ESR2: variants seen among roughly 807,000 people sequenced by gnomAD.
ESR2 encodes the protein estrogen receptor 2.
ESR2 carries 36 observed loss-of-function variants against 49.6 expected under a neutral mutation model. The observed-to-expected ratio is 0.73, with a 90% CI of 0.56 to 0.96. The LOEUF (loss-of-function observed/expected upper bound fraction) is 0.96, where lower values mean the gene tolerates loss of function less well. Among genes scored for constraint, ESR2 ranks in the 40% least tolerant of loss-of-function variants. The pLI, the probability that ESR2 is intolerant of heterozygous loss-of-function variation, is 0.00. For missense variants in ESR2, 714 were observed against 693.0 expected (o/e 1.03, Z -0.34); for synonymous variants, 320 against 266.1 (o/e 1.20, Z -1.97).
intron 4 of ESR2, among the ~76,000 whole-genome samples, chr14:64,264,048 T>C: frequency 6.6e-6 from 1 of 152,064 alleles, no homozygotes; most frequent in South Asian, 2.1e-4. Flanking sequence ...AAATGTAAAA[T>C]GGAAATTAAG....
chr14:64,241,814 C>T (rs1434826419), intron 7 of ESR2, among the ~76,000 whole-genome samples: 2 of 152,208 alleles, frequency 1.3e-5, no homozygotes, highest in Non-Finnish European at 2.9e-5. Flanking sequence ...CTCCTTAGGA[C>T]TTTCTACATA....
intron 7 of ESR2, among the ~76,000 whole-genome samples, chr14:64,244,255 C>A (rs1353462215): frequency 6.6e-6 from 1 of 152,052 alleles, no homozygotes; most frequent in African/African-American, 2.4e-5. Flanking sequence ...AAAAAATTAG[C>A]CAGGCGTGGT....
At chr14:64,313,884 A>C (rs888333673) in intron 1 of ESR2, among the ~76,000 whole-genome samples, 2 of 151,780 alleles carry the variant, frequency 1.3e-5, no homozygotes, top group Non-Finnish European at 2.9e-5. Context: ...GTCTCAAAAA[A>C]AAAAAAAAGA....
chr14:64,320,305 C>T (rs2077310351), intron 1 of ESR2, among the ~76,000 whole-genome samples: 2 of 152,212 alleles, frequency 1.3e-5, no homozygotes, highest in Admixed American at 6.5e-5. Context: ...GTGGCATACA[C>T]CTGTAGTCCC....
At position 64,283,771 on chromosome 14, in the gene ESR2, A is replaced by G. The variant is rs867487711; in HGVS notation, c.-90-696T>C. Among the ~76,000 whole-genome samples the G allele has an allele frequency of 6.6e-3, 819 of 123,514 alleles. 3 individuals are homozygous for G. The highest frequency in any genetic ancestry group is 0.017 in the South Asian group (68 of 3,934). The allele number at this position is 123,514 out of a possible 152,430, so 81.0% of individuals were successfully genotyped here. A position where few individuals can be genotyped will look rare whatever the true frequency, so the allele number is the denominator to read the frequency against. ...TCAAAAAAAAAAAAAAAAAAAAAAA[A>G]AGAGAGAAATTACCATTTCCGAAAA... On this transcript the variant is annotated intron_variant, in intron 1 of 8. Transcript: ENST00000341099.
Position 64,234,796 on chromosome 14 carries a change from A to G in ESR2, c.1406+174T>C, listed in dbSNP as rs1031234211. 2.9e-6 allele frequency: 4 copies of G among 1,369,468 alleles called. No individual in the cohort carries two copies. The African/African-American group carries it at 5.8e-5, about 20-fold the overall frequency. 84.8% of individuals were successfully genotyped at this position (1,369,468 alleles called of 1,614,324 possible). On this transcript the variant is annotated intron_variant, in intron 8 of 8. Coordinates refer to ENST00000341099, the MANE Select transcript of ESR2 (RefSeq NM_001437.3). ...TAAGATACCACATGACATTCCTTCC[A>G]TGCCCACTCTGTGCCCATCTTTGCT... is the stretch of plus-strand genomic sequence containing the variant.
At chr14:64,314,755 G>A (rs1000229015) in intron 1 of ESR2, among the ~76,000 whole-genome samples, 3 of 150,720 alleles carry the variant, frequency 2.0e-5, no homozygotes, top group Non-Finnish European at 3.0e-5. Flanking sequence ...GTGCAAGCCT[G>A]TAGTTCCAGC....
At chr14:64,244,692 T>C (rs1232924826) in intron 7 of ESR2, among the ~76,000 whole-genome samples, 3 of 152,188 alleles carry the variant, frequency 2.0e-5, no homozygotes, top group Non-Finnish European at 2.9e-5. Flanking sequence ...GGTCTTTCCA[T>C]TTACACTGAG....
At chr14:64,313,393 A>T (rs1172032051) in intron 1 of ESR2, among the ~76,000 whole-genome samples, 2 of 151,762 alleles carry the variant, frequency 1.3e-5, no homozygotes, top group African/African-American at 4.8e-5. Flanking sequence ...AATCAGCCAG[A>T]TGTGGTGGTG....
At chr14:64,251,792 C>G (rs979140158) in intron 6 of ESR2, among the ~76,000 whole-genome samples, 4 of 152,020 alleles carry the variant, frequency 2.6e-5, no homozygotes, top group Non-Finnish European at 5.9e-5. Flanking sequence ...TTTATTCACT[C>G]CACAGTCTGC....
At chr14:64,227,260 C>T, downstream of ESR2, 1 of 472,950 alleles carries the variant, frequency 2.1e-6, no homozygotes, top group South Asian at 2.7e-5. Flanking sequence ...CAGCTTTCTA[C>T]ATTGGTGCCC....
chr14:64,314,963 C>T (rs1190482043), intron 1 of ESR2, among the ~76,000 whole-genome samples: 1 of 147,846 alleles, frequency 6.8e-6, no homozygotes, highest in African/African-American at 2.5e-5. Context: ...TGAGAGAAGA[C>T]TGGATGGACG....
chr14:64,291,578 G>C (rs993149059), intron 1 of ESR2, among the ~76,000 whole-genome samples: 4 of 152,052 alleles, frequency 2.6e-5, no homozygotes, highest in Non-Finnish European at 4.4e-5. Flanking sequence ...CCAATAACAG[G>C]CTCCTAACTG....
At chr14:64,258,550 A>C (rs1241479914) in intron 5 of ESR2, among the ~76,000 whole-genome samples, 1 of 152,192 alleles carries the variant, frequency 6.6e-6, no homozygotes, top group African/African-American at 2.4e-5. Context: ...CCTATCTCTG[A>C]GAATGTCTTA....
At chr14:64,285,782 G>A (rs146832217) in intron 1 of ESR2, among the ~76,000 whole-genome samples, 4 of 145,322 alleles carry the variant, frequency 2.8e-5, no homozygotes, top group East Asian at 2.0e-4. Context: ...AGCTGAGATC[G>A]TGCCACTGCA....
intron 4 of ESR2, among the ~76,000 whole-genome samples, chr14:64,261,464 C>A (rs1487806465): frequency 6.6e-6 from 1 of 152,126 alleles, no homozygotes; most frequent in Admixed American, 6.5e-5. Context: ...GTCACCCAGG[C>A]TGCAGTTCAG....
At chr14:64,273,211 GT>G (rs1267715295) in intron 3 of ESR2, among the ~76,000 whole-genome samples, 1 of 151,966 alleles carries the variant, frequency 6.6e-6, no homozygotes, top group African/African-American at 2.4e-5. Flanking sequence ...AGATCTAATA[GT>G]TTTTTGGTGG....
At chr14:64,279,107 C>T (rs917806100) in intron 3 of ESR2, among the ~76,000 whole-genome samples, 6 of 152,218 alleles carry the variant, frequency 3.9e-5, no homozygotes, top group African/African-American at 1.4e-4. Context: ...TTCTTTCAAT[C>T]AATTGCCAAT....
chr14:64,242,029 T>C (rs577196476), intron 7 of ESR2, among the ~76,000 whole-genome samples: 1 of 152,200 alleles, frequency 6.6e-6, no homozygotes, highest in Non-Finnish European at 1.5e-5. Flanking sequence ...CTTTAATGGA[T>C]TGAGGAAGTT....
Sources: allele counts gnomAD v4.1 joint callset (sites outside exome capture counted in the v4.1 genomes callset), GRCh38; gene constraint gnomAD v4.1.1; transcripts MANE v1.5; gene names NCBI Gene and HGNC (gene_info 2026-07-23, HGNC 2026-07-21).